Variants in NKAIN2 observed in about 807,000 individuals in gnomAD.
NKAIN2 encodes sodium/potassium-transporting ATPase subunit beta-1-interacting protein 2.
In NKAIN2, 14 loss-of-function variants were observed where a neutral mutation model predicts 32.6. The ratio of observed to expected loss-of-function variants is 0.43; its 90% CI spans 0.28 to 0.67. The LOEUF (loss-of-function observed/expected upper bound fraction) is 0.67. Among genes scored for constraint, NKAIN2 ranks in the 30% least tolerant of loss-of-function variants. NKAIN2 has a pLI of 0.17. For missense variants in NKAIN2, 198 were observed against 258.3 expected (o/e 0.77, Z 1.60); for synonymous variants, 80 against 87.2 (o/e 0.92, Z 0.46).
intron 3 of NKAIN2, among the ~76,000 whole-genome samples, chr6:124,567,253 G>A (rs1199977176): frequency 3.9e-5 from 6 of 152,106 alleles, no homozygotes; most frequent in Admixed American, 2.0e-4. Context: ...TAGTGTAAAC[G>A]GCACACAGGA....
chr6:124,782,856 A>G (rs1252396773), intron 4 of NKAIN2, among the ~76,000 whole-genome samples: 1 of 152,166 alleles, frequency 6.6e-6, no homozygotes, highest in Admixed American at 6.6e-5. Context: ...TGCACATTAC[A>G]AACATACAAT....
chr6:124,058,165 A>G (rs1782748438), intron 1 of NKAIN2, among the ~76,000 whole-genome samples: 1 of 151,518 alleles, frequency 6.6e-6, no homozygotes, highest in African/African-American at 2.4e-5. Context: ...GTGACTGTAG[A>G]AATTGAAAGC....
chr6:124,494,821 A>G (rs1464792738), intron 3 of NKAIN2, among the ~76,000 whole-genome samples: 1 of 152,046 alleles, frequency 6.6e-6, no homozygotes, highest in Non-Finnish European at 1.5e-5. Flanking sequence ...TAATTTTGCA[A>G]TCCATATTTA....
intron 3 of NKAIN2, among the ~76,000 whole-genome samples, chr6:124,357,930 C>A (rs1321015313): frequency 6.6e-6 from 1 of 151,586 alleles, no homozygotes; most frequent in African/African-American, 2.4e-5. Flanking sequence ...TCCCCCAACC[C>A]GCACGCCACA....
chr6:124,820,776 C>CCTTATT (rs1195331871), intron 6 of NKAIN2, among the ~76,000 whole-genome samples: 1 of 152,022 alleles, frequency 6.6e-6, no homozygotes, highest in Admixed American at 6.5e-5. Flanking sequence ...GCAGTGTGAA[C>CCTTATT]CTTATTGTGA....
At chr6:124,310,835 A>G (rs1222847187) in intron 2 of NKAIN2, among the ~76,000 whole-genome samples, 1 of 152,120 alleles carries the variant, frequency 6.6e-6, no homozygotes, top group East Asian at 1.9e-4. Flanking sequence ...TAACAATGAG[A>G]TTAGCAGCAA....
At chr6:124,456,049 T>A (rs950236491) in intron 3 of NKAIN2, among the ~76,000 whole-genome samples, 1 of 151,886 alleles carries the variant, frequency 6.6e-6, no homozygotes, top group East Asian at 1.9e-4. Flanking sequence ...GTGACATTTT[T>A]TTTTCTTTCA....
At chr6:124,110,327 A>C (rs1386320908) in intron 1 of NKAIN2, among the ~76,000 whole-genome samples, 1 of 152,064 alleles carries the variant, frequency 6.6e-6, no homozygotes, top group Non-Finnish European at 1.5e-5. Flanking sequence ...AAAATTCAGC[A>C]TATACTCATA....
At chr6:124,573,567 G>GCAA (rs1187407681) in intron 3 of NKAIN2, among the ~76,000 whole-genome samples, 2 of 151,860 alleles carry the variant, frequency 1.3e-5, no homozygotes, top group African/African-American at 4.8e-5. Context: ...TTTCTAAAAT[G>GCAA]CAAACCTGCT....
At chr6:124,507,829 G>A (rs1778546265) in intron 3 of NKAIN2, among the ~76,000 whole-genome samples, 1 of 152,032 alleles carries the variant, frequency 6.6e-6, no homozygotes, top group South Asian at 2.1e-4. Context: ...AAAGACATTA[G>A]AAATGAGAAA....
At chr6:123,825,565 T>G (rs1774113076) in intron 1 of NKAIN2, among the ~76,000 whole-genome samples, 1 of 152,074 alleles carries the variant, frequency 6.6e-6, no homozygotes, top group Non-Finnish European at 1.5e-5. Flanking sequence ...ATAATTTACT[T>G]TTTCTCAGAC....
intron 4 of NKAIN2, among the ~76,000 whole-genome samples, chr6:124,782,273 G>A (rs984258525): frequency 1.3e-5 from 2 of 151,930 alleles, no homozygotes; most frequent in African/African-American, 4.8e-5. Flanking sequence ...CATCATTTTT[G>A]TATAATATTA....
chr6:124,473,977 C>G (rs1022466831), intron 3 of NKAIN2, among the ~76,000 whole-genome samples: 2 of 152,148 alleles, frequency 1.3e-5, no homozygotes, highest in African/African-American at 4.8e-5. Context: ...ATCGTTTCAG[C>G]CACATGTATG....
chr6:124,821,210 T>C (rs1781381159), intron 6 of NKAIN2, among the ~76,000 whole-genome samples: 1 of 151,490 alleles, frequency 6.6e-6, no homozygotes, highest in African/African-American at 2.4e-5. Context: ...CAGGAGAATC[T>C]CTGGAACCTG....
intron 4 of NKAIN2, among the ~76,000 whole-genome samples, chr6:124,674,282 A>G (rs1194083393): frequency 6.6e-6 from 1 of 151,962 alleles, no homozygotes; most frequent in Non-Finnish European, 1.5e-5. Context: ...ATATGTTTTG[A>G]AGTCAGGACG....
At chr6:124,133,559 T>C (rs1786581788) in intron 1 of NKAIN2, among the ~76,000 whole-genome samples, 2 of 152,130 alleles carry the variant, frequency 1.3e-5, no homozygotes, top group Admixed American at 1.3e-4. Context: ...CCCTATTGGC[T>C]TGAAGCCCAG....
chr6:123,819,678 A>T (rs919304049), intron 1 of NKAIN2, among the ~76,000 whole-genome samples: 5 of 152,302 alleles, frequency 3.3e-5, no homozygotes, highest in Non-Finnish European at 4.4e-5. Flanking sequence ...ATGCCCTTGG[A>T]GATGCCCCAT....
At chr6:124,266,476 G>A (rs748986365) in intron 1 of NKAIN2, among the ~76,000 whole-genome samples, 3 of 151,812 alleles carry the variant, frequency 2.0e-5, no homozygotes, top group African/African-American at 4.8e-5. Context: ...ATGGGGTTTC[G>A]CCAGCTTGCC....
rs77441061 is a variant in NKAIN2, at chr6:124,264,741, G to A, written c.55-18264G>A. Among the ~76,000 whole-genome samples the A allele has an allele frequency of 1.0e-3, 156 of 152,270 alleles. 1 individual carries two copies. The East Asian group carries it at 0.026, about 25-fold the overall frequency. On this transcript the variant is annotated intron_variant, in intron 1 of 6. Transcript: ENST00000368417. ...TTGCATTTTTGTGATAAATTCTTGA[G>A]TAGGGCAGCATCTAAGTATAGTTTT...
Sources: allele counts gnomAD v4.1 joint callset (sites outside exome capture counted in the v4.1 genomes callset), GRCh38; gene constraint gnomAD v4.1.1; transcripts MANE v1.5; gene names NCBI Gene and HGNC (gene_info 2026-07-23, HGNC 2026-07-21).